The following EXOSC7 variants were observed in gnomAD, a reference collection of about 807,000 sequenced individuals.
EXOSC7 encodes exosome complex component RRP42.
In EXOSC7, 25 loss-of-function variants were observed where a neutral mutation model predicts 34.3. The observed-to-expected ratio is 0.73, with a 90% confidence interval of 0.53 to 1.02. EXOSC7 has a LOEUF of 1.02. EXOSC7 is among the 50% of genes least tolerant of loss of function. EXOSC7 has a pLI of 0.00. For synonymous variants in EXOSC7, 130 were observed against 143.0 expected, an observed-to-expected ratio of 0.91 and a Z score of 0.65; for missense variants, 370 against 368.5, an observed-to-expected ratio of 1.00 and a Z score of -0.03.
chr3:44,982,271 T>C (rs1349222206), intron 1 of EXOSC7, among the ~76,000 whole-genome samples: 1 of 152,146 alleles, frequency 6.6e-6, no homozygotes, highest in African/African-American at 2.4e-5. Context: ...CCAAAAAGAG[T>C]TGGTCACCCT....
chr3:44,992,332 C>T (rs761594964), intron 3 of EXOSC7, among the ~76,000 whole-genome samples: 2 of 152,212 alleles, frequency 1.3e-5, no homozygotes, highest in Non-Finnish European at 2.9e-5. Context: ...TTTGATTTAA[C>T]TTCTTGTTAG....
chr3:44,990,777 A>AAT (rs1706548283), intron 3 of EXOSC7, among the ~76,000 whole-genome samples: 1 of 152,230 alleles, frequency 6.6e-6, no homozygotes, highest in Non-Finnish European at 1.5e-5. Context: ...GTTCAGCATA[A>AAT]ATCATATTAT....
chr3:44,997,968 C>A (rs1273573316), intron 4 of EXOSC7, among the ~76,000 whole-genome samples: 1 of 152,140 alleles, frequency 6.6e-6, no homozygotes, highest in Non-Finnish European at 1.5e-5. Context: ...CCCAAATACT[C>A]CTCTACCCAG....
intron 4 of EXOSC7, among the ~76,000 whole-genome samples, chr3:44,998,124 T>C (rs1417894928): frequency 1.3e-5 from 2 of 150,946 alleles, no homozygotes; most frequent in African/African-American, 4.9e-5. Flanking sequence ...CAACCTCTGC[T>C]TCCCAGGTTC....
In EXOSC7 at chr3:45,011,262, C is replaced by T; in HGVS notation, c.799C>T (p.His267Tyr). The T allele has an allele frequency of 6.2e-7, 1 of 1,613,298 alleles. No homozygotes were observed. Among genetic ancestry groups the T allele is most frequent in the Non-Finnish European group, 8.5e-7 (1 of 1,179,586 alleles). The change falls in exon 8 of 8, where the codon CAT becomes TAT. Residue 267 changes from histidine to tyrosine, a missense_variant. His to Tyr is a moderately conservative substitution (Grantham distance 83, BLOSUM62 2). Around this residue, in one of 3 missense-constraint regions of EXOSC7, gnomAD observed 255 missense variants for 246.4 expected, o/e 1.03. Transcript: ENST00000265564. ...TGGCAAGCGTGTGGGCAAGGTACTG[C>T]ATGCCTCCTTGCAGAGTGTTGTGCA... ...ETGKRVGKVL[H>Y]ASLQSVVHKE... is the part of the protein sequence containing the mutation.
chr3:44,985,507 G>A (rs568749837), intron 1 of EXOSC7, among the ~76,000 whole-genome samples: 1 of 151,904 alleles, frequency 6.6e-6, no homozygotes, highest in East Asian at 1.9e-4. Flanking sequence ...TGAAGCTGCA[G>A]ACCTTCATGG....
chr3:45,005,205 A>C, intron 5 of EXOSC7, 86 bp from the exon 6 acceptor site: 3 of 1,470,132 alleles, frequency 2.0e-6, no homozygotes, highest in Non-Finnish European at 2.8e-6. Context: ...TGTGAGACAC[A>C]GGGATTCCAA....
chr3:44,977,864 G>A (rs1340439570), intron 1 of EXOSC7, among the ~76,000 whole-genome samples: 1 of 152,184 alleles, frequency 6.6e-6, no homozygotes, highest in Non-Finnish European at 1.5e-5. Flanking sequence ...GTGGCACTGA[G>A]GCATGGATAT....
rs776618389 is a variant in EXOSC7 at position 44,976,286 on chromosome 3, C to T, written c.9C>T (p.Ser3=). MA[S]VTLSEAEKVY... ...TGGGGCAGCTCGGCAGCATGGCGTC[C>T]GTGACGCTGAGCGAGGCGGAGAAGG... is the stretch of plus-strand genomic sequence containing the variant. Residue 3 remains serine, a synonymous_variant, in exon 1 of 8, where the codon TCC becomes TCT. Coordinates refer to ENST00000265564, the MANE Select transcript of EXOSC7 (RefSeq NM_015004.4). The T allele has an allele frequency of 9.0e-6, 14 of 1,563,252 alleles. No homozygotes were observed. The highest frequency in any genetic ancestry group is 2.6e-5 in the East Asian group (1 of 38,434).
chr3:44,986,140 G>A (rs1005991868), intron 1 of EXOSC7, among the ~76,000 whole-genome samples: 6 of 151,542 alleles, frequency 4.0e-5, no homozygotes, highest in Non-Finnish European at 7.4e-5. Flanking sequence ...TTGGGTGGTC[G>A]ATGGGACTGG....
chr3:44,991,225 A>G (rs1448474868), intron 3 of EXOSC7, among the ~76,000 whole-genome samples: 2 of 151,992 alleles, frequency 1.3e-5, no homozygotes, highest in Non-Finnish European at 2.9e-5. Context: ...TTTCCAGCCC[A>G]TTCCTGTCCC....
intron 6 of EXOSC7, among the ~76,000 whole-genome samples, 182 bp from the exon 7 acceptor site, chr3:45,007,238 G>A (rs754235742): frequency 6.6e-6 from 1 of 152,134 alleles, no homozygotes; most frequent in African/African-American, 2.4e-5. Context: ...CCACACAGTG[G>A]CCTGTGAGAA....
rs936595217 is a variant in EXOSC7, at chr3:45,007,651, G to A, written c.771+76G>A. The A allele has an allele frequency of 7.2e-5, 102 of 1,408,236 alleles. 1 individual carries two copies. In the Admixed American group the frequency reaches 9.2e-4, roughly 13 times the overall value. 87.2% of individuals were successfully genotyped at this position (1,408,236 alleles called of 1,614,324 possible). On this transcript the variant is annotated intron_variant, in intron 7 of 7. Coordinates refer to ENST00000265564, the MANE Select transcript of EXOSC7 (RefSeq NM_015004.4). The stretch of plus-strand genomic sequence containing the variant: ...TGCTTCCTGCTCCCTTGGTCATACC[G>A]TGGGGATTCTCCCCATTCACAGCCT...
At chr3:44,991,016 CG>C (rs139668845) in intron 3 of EXOSC7, among the ~76,000 whole-genome samples, 15,551 of 152,192 alleles carry the variant, frequency 0.1, 833 homozygotes, top group Middle Eastern at 0.18. Flanking sequence ...TCATAGTACT[CG>C]TATAAGAGAA....
intron 3 of EXOSC7, among the ~76,000 whole-genome samples, chr3:44,990,696 T>C (rs1287671528): frequency 2.0e-5 from 3 of 152,176 alleles, no homozygotes; most frequent in African/African-American, 7.2e-5. Flanking sequence ...CACCCAAGAT[T>C]TTTACTGGGA....
intron 1 of EXOSC7, among the ~76,000 whole-genome samples, chr3:44,984,643 C>G (rs1706359760): frequency 6.6e-6 from 1 of 152,204 alleles, no homozygotes; most frequent in Non-Finnish European, 1.5e-5. Context: ...TTAAGTGCTA[C>G]TTACTGGCTG....
chr3:45,001,409 C>T, intron 4 of EXOSC7, 129 bp from the exon 5 acceptor site: 1 of 716,670 alleles, frequency 1.4e-6, no homozygotes, highest in Non-Finnish European at 2.5e-6. Context: ...CACCACTGCA[C>T]TCCAGCCTGA....
At chr3:44,985,850 G>C (rs1367613036) in intron 1 of EXOSC7, among the ~76,000 whole-genome samples, 1 of 152,114 alleles carries the variant, frequency 6.6e-6, no homozygotes, top group African/African-American at 2.4e-5. Context: ...GGTGCTGATT[G>C]GTGCGTTTAC....
At chr3:44,990,970 C>G (rs1322929176) in intron 3 of EXOSC7, among the ~76,000 whole-genome samples, 1 of 152,212 alleles carries the variant, frequency 6.6e-6, no homozygotes, top group Non-Finnish European at 1.5e-5. Context: ...GAGTTACAGT[C>G]TTCCAGTCTG....
Sources: allele counts gnomAD v4.1 joint callset (sites outside exome capture counted in the v4.1 genomes callset), GRCh38; gene constraint gnomAD v4.1.1; regional missense constraint gnomAD v4.1.1; transcripts MANE v1.5; gene names NCBI Gene and HGNC (gene_info 2026-07-23, HGNC 2026-07-21).